The following LARGE1 variants were observed in gnomAD, a reference collection of about 807,000 sequenced individuals.
LARGE1 encodes xylosyl- and glucuronyltransferase LARGE1.
Under a neutral mutation model 87.6 loss-of-function variants are expected in LARGE1, and 43 were observed. The ratio of observed to expected loss-of-function variants is 0.49; its 90% CI spans 0.38 to 0.63. LARGE1 has a LOEUF of 0.63. Ranked by LOEUF, LARGE1 falls within the 30% of genes least tolerant of loss-of-function variation. LARGE1 has a pLI of 0.00. For synonymous variants in LARGE1, 434 were observed against 394.6 expected (o/e 1.10, Z -1.18); for missense variants, 802 against 1,000.2 (o/e 0.80, Z 2.67).
chr22:33,091,982 C>T, the LARGE1 span, among the ~76,000 whole-genome samples: 1 of 152,146 alleles, frequency 6.6e-6, no homozygotes, highest in Non-Finnish European at 1.5e-5. Flanking sequence ...TCATTGCAAC[C>T]TCTGCCTCCT....
chr22:33,695,283 T>C (rs1198055165), intron 2 of LARGE1, among the ~76,000 whole-genome samples: 1 of 152,062 alleles, frequency 6.6e-6, no homozygotes, highest in African/African-American at 2.4e-5. Flanking sequence ...TTTCTATTTT[T>C]AGTAGAGACA....
intron 1 of LARGE1, among the ~76,000 whole-genome samples, chr22:33,871,982 C>CAAAAAAAAAAAAAAAAAAAAAAAA (rs58105742): frequency 1.2e-5 from 1 of 86,812 alleles, no homozygotes; most frequent in South Asian, 4.1e-4. Context: ...TCTAAATCAG[C>CAAAAAAAAAAAAAAAAAAAAAAAA]AAAAAAAAAA....
At chr22:33,090,542 G>A in the LARGE1 span, among the ~76,000 whole-genome samples, 1 of 152,182 alleles carries the variant, frequency 6.6e-6, no homozygotes, top group Admixed American at 6.5e-5. Context: ...AAACTTCTAA[G>A]TTGGGAATGT....
chr22:33,135,092 T>G, the LARGE1 span, among the ~76,000 whole-genome samples: 2 of 152,216 alleles, frequency 1.3e-5, no homozygotes, highest in Non-Finnish European at 2.9e-5. Context: ...TATCCTTGGG[T>G]TGGCTCTCAG....
chr22:33,821,464 A>G (rs751866311), intron 1 of LARGE1, among the ~76,000 whole-genome samples: 4 of 152,158 alleles, frequency 2.6e-5, no homozygotes, highest in Non-Finnish European at 4.4e-5. Flanking sequence ...TTTCCCCACC[A>G]TGCCTTACAG....
chr22:33,521,500 C>T (rs2071592836), intron 6 of LARGE1, among the ~76,000 whole-genome samples: 1 of 152,174 alleles, frequency 6.6e-6, no homozygotes, highest in South Asian at 2.1e-4. Flanking sequence ...GGGGGAGCCC[C>T]AGTGCTCAAG....
Position 33,577,052 on chromosome 22 carries a change from C to T in LARGE1, c.616-12033G>A, listed in dbSNP as rs552210551. On this transcript the variant is annotated intron_variant, in intron 5 of 14. Transcript: ENST00000397394. ...TTATATTTCATTCCTGTTCAAAGTG[C>T]TAAGAAGAGAGATAATCACTCTGCT... 9.9e-5 allele frequency among the ~76,000 whole-genome samples: 15 copies of T among 152,056 alleles called. 1 individual carries two copies. In the South Asian group the frequency reaches 3.1e-3, roughly 32 times the overall value.
intron 2 of LARGE1, among the ~76,000 whole-genome samples, chr22:33,739,753 G>A (rs1367331637): frequency 6.6e-6 from 1 of 152,196 alleles, no homozygotes; most frequent in African/African-American, 2.4e-5. Flanking sequence ...GCTCTTCCTT[G>A]GGCCTGATGA....
At chr22:33,308,175 C>T (rs560232002) in intron 11 of LARGE1, among the ~76,000 whole-genome samples, 86 of 152,212 alleles carry the variant, frequency 5.7e-4, no homozygotes, top group Non-Finnish European at 1.0e-3. Flanking sequence ...GGTAGGGAGA[C>T]GGCCAGGTCA....
chr22:33,110,269 A>G, the LARGE1 span: 4 of 152,238 alleles, frequency 2.6e-5, no homozygotes. Flanking sequence ...CACAGAAATC[A>G]CATCTCCATT....
chr22:33,595,898 C>T (rs1488031472), intron 5 of LARGE1, among the ~76,000 whole-genome samples: 1 of 152,180 alleles, frequency 6.6e-6, no homozygotes, highest in African/African-American at 2.4e-5. Context: ...CATTAATGCT[C>T]AGGTGGACCA....
intron 9 of LARGE1, among the ~76,000 whole-genome samples, chr22:33,351,307 T>G (rs1569084513): frequency 6.6e-6 from 1 of 152,230 alleles, no homozygotes; most frequent in Non-Finnish European, 1.5e-5. Context: ...AGCACCCATA[T>G]GTAGCTGCAT....
chr22:33,440,036 C>T (rs2067412396), intron 6 of LARGE1, among the ~76,000 whole-genome samples: 1 of 152,102 alleles, frequency 6.6e-6, no homozygotes, highest in East Asian at 1.9e-4. Flanking sequence ...CAGATTTGTA[C>T]CTGATCACTT....
the LARGE1 span, among the ~76,000 whole-genome samples, chr22:33,122,353 CTTTTTCTTTTT>C: frequency 6.9e-6 from 1 of 144,952 alleles, no homozygotes; most frequent in African/African-American, 2.6e-5. Context: ...CTTTTCTTTT[CTTTTTCTTTTT>C]TTTTTTTTTT....
intron 2 of LARGE1, among the ~76,000 whole-genome samples, chr22:33,662,914 G>A (rs2081170549): frequency 6.6e-6 from 1 of 152,146 alleles, no homozygotes; most frequent in African/African-American, 2.4e-5. Context: ...GTAAGTGACT[G>A]TCCTCCTTTT....
At chr22:33,898,628 C>G (rs2065207686) in intron 1 of LARGE1, among the ~76,000 whole-genome samples, 1 of 152,194 alleles carries the variant, frequency 6.6e-6, no homozygotes, top group Non-Finnish European at 1.5e-5. Flanking sequence ...GTGGCACATG[C>G]CTGTAATCCC....
At chr22:33,242,103 T>C (rs1187114674) in intron 11 of LARGE1, among the ~76,000 whole-genome samples, 1 of 152,172 alleles carries the variant, frequency 6.6e-6, no homozygotes, top group African/African-American at 2.4e-5. Context: ...AACATCACAT[T>C]GTGCCCAATA....
At chr22:33,915,621 T>C (rs1362098945) in intron 1 of LARGE1, among the ~76,000 whole-genome samples, 1 of 152,218 alleles carries the variant, frequency 6.6e-6, no homozygotes, top group African/African-American at 2.4e-5. Flanking sequence ...GTACGTAGAA[T>C]GATAACGGAC....
At chr22:33,384,812 G>A (rs62225266) in intron 7 of LARGE1, among the ~76,000 whole-genome samples, 4 of 148,820 alleles carry the variant, frequency 2.7e-5, no homozygotes, top group African/African-American at 9.8e-5. Context: ...CTCTGCACTG[G>A]ATACAGAGCA....
Sources: allele counts gnomAD v4.1 joint callset (sites outside exome capture counted in the v4.1 genomes callset), GRCh38; gene constraint gnomAD v4.1.1; transcripts MANE v1.5; gene names NCBI Gene and HGNC (gene_info 2026-07-23, HGNC 2026-07-21).